Variants in RANBP3 observed in about 807,000 individuals in gnomAD.
RANBP3 encodes ran-binding protein 3.
RANBP3 carries 14 observed loss-of-function variants against 77.3 expected under a neutral mutation model. That is an observed-to-expected ratio of 0.18 (90% CI 0.12 to 0.28). The LOEUF is 0.28. Among genes scored for constraint, RANBP3 ranks in the 10% least tolerant of loss-of-function variants. The probability of loss-of-function intolerance (pLI) is 1.00; values close to 1 mark genes in which losing one functional copy is unlikely to be tolerated. For missense variants in RANBP3, 586 were observed against 752.3 expected (o/e 0.78, Z 2.59); for synonymous variants, 315 against 312.4 (o/e 1.01, Z -0.09).
In RANBP3 at chr19:5,924,005, T is replaced by A; in HGVS notation, c.997-91A>T. On this transcript the variant is annotated intron_variant, in intron 11 of 16. Coordinates refer to ENST00000340578, the MANE Select transcript of RANBP3 (RefSeq NM_007322.3). The surrounding 1 kb of genome is among the most constrained non-coding windows in gnomAD (Gnocchi z 4.7). ...CACCTCTCTGCCTGGCCCCCAACACTACGCTGCCCCCAGCACTCCTGCCCA... is the reference window on the plus strand; with the variant it reads ...CACCTCTCTGCCTGGCCCCCAACACAACGCTGCCCCCAGCACTCCTGCCCA... The A allele has an allele frequency of 1.0e-6, 1 of 990,398 alleles. No individual in the cohort carries two copies. Among genetic ancestry groups the A allele is most frequent in the Non-Finnish European group, 1.5e-6 (1 of 647,072 alleles). 61.4% of individuals were successfully genotyped at this position (990,398 alleles called of 1,614,324 possible).
At position 5,954,281 on chromosome 19, in the gene RANBP3, G is replaced by C. The variant is rs908108560; in HGVS notation, c.79-2685C>G. On this transcript the variant is annotated intron_variant, in intron 2 of 16. Transcript: ENST00000340578. Reference sequence around the variant, plus strand: ...AGTCAGCTGGTCCCACAGTTGATGAGACTTCTTGATCTTTGAGGATCAAGA... The same window carrying C: ...AGTCAGCTGGTCCCACAGTTGATGACACTTCTTGATCTTTGAGGATCAAGA... Among the ~76,000 whole-genome samples the C allele has an allele frequency of 5.3e-5, 8 of 152,172 alleles. No individual in the cohort carries two copies. In the East Asian group the frequency reaches 9.6e-4, roughly 18 times the overall value.
intron 6 of RANBP3, 49 bp from the exon 7 acceptor site, chr19:5,932,593 C>G: frequency 4.0e-6 from 6 of 1,492,336 alleles, no homozygotes; most frequent in Non-Finnish European, 5.6e-6. Context: ...CCTGCCTGCC[C>G]CCAGGCGCTT....
rs1032052893 is a variant in RANBP3 at position 5,923,189 on chromosome 19, C to T, written c.1209+5G>A. On this transcript the variant is annotated splice_donor_5th_base_variant and intron_variant, in intron 13 of 16. Transcript: ENST00000340578. ...AGGGCCACCGAGGAGGGGCCGGCCC[C>T]TCACCTGTAACACATTGCTCTCCGC... The T allele has an allele frequency of 3.7e-6, 6 of 1,613,804 alleles. No homozygotes were observed. The highest frequency in any genetic ancestry group is 1.1e-5 in the South Asian group (1 of 91,076).
intron 3 of RANBP3, chr19:5,950,532 G>A (rs2058262296): frequency 1.3e-5 from 2 of 152,216 alleles, no homozygotes; most frequent in African/African-American, 2.4e-5. Context: ...TAGAAAGAAC[G>A]CTGAGGTCCG....
chr19:5,919,987 G>T (rs965557032), intron 14 of RANBP3, among the ~76,000 whole-genome samples: 9 of 152,120 alleles, frequency 5.9e-5, no homozygotes, highest in African/African-American at 2.2e-4. Flanking sequence ...GACCAGAGCA[G>T]TGTTTCTGAT....
At chr19:5,927,641 C>T (rs1234478265) in intron 9 of RANBP3, among the ~76,000 whole-genome samples, 5 of 152,220 alleles carry the variant, frequency 3.3e-5, no homozygotes, top group African/African-American at 1.2e-4. Flanking sequence ...AACACTGGAC[C>T]GTGCTGTCTT....
intron 5 of RANBP3, among the ~76,000 whole-genome samples, chr19:5,940,605 G>A (rs1051052787): frequency 1.3e-5 from 2 of 152,220 alleles, no homozygotes; most frequent in African/African-American, 2.4e-5. Context: ...CCTACGCTGT[G>A]TGTTCCTGTA....
chr19:5,941,531 G>T, intron 5 of RANBP3, 90 bp downstream of exon 5: 1 of 1,174,836 alleles, frequency 8.5e-7, no homozygotes. Context: ...TGGGCAGGAA[G>T]GACACAGCAG....
chr19:5,943,774 T>C (rs1481842119), intron 3 of RANBP3, among the ~76,000 whole-genome samples: 1 of 152,146 alleles, frequency 6.6e-6, no homozygotes, highest in African/African-American at 2.4e-5. Context: ...GATGACATCA[T>C]CAAAGTGTGT....
chr19:5,919,586 C>G (rs570791990), intron 14 of RANBP3, among the ~76,000 whole-genome samples: 1 of 152,108 alleles, frequency 6.6e-6, no homozygotes, highest in Admixed American at 6.5e-5. Flanking sequence ...TTCCACGAGA[C>G]AAAAGGAAAA....
intron 2 of RANBP3, among the ~76,000 whole-genome samples, chr19:5,956,304 T>G (rs756802767): frequency 1.3e-5 from 2 of 152,182 alleles, no homozygotes; most frequent in Non-Finnish European, 2.9e-5. Flanking sequence ...AACATAGCTC[T>G]AACACACCCA....
intron 9 of RANBP3, among the ~76,000 whole-genome samples, chr19:5,926,264 T>C (rs1267448821): frequency 6.6e-6 from 1 of 152,082 alleles, no homozygotes; most frequent in Non-Finnish European, 1.5e-5. Context: ...ACCATGGCTC[T>C]GGCTGGGCGC....
At chr19:5,964,836 A>G (rs1568479322) in intron 1 of RANBP3, among the ~76,000 whole-genome samples, 1 of 24,200 alleles carries the variant, frequency 4.1e-5, no homozygotes, top group African/African-American at 1.8e-4. Flanking sequence ...AGAGGAGCTA[A>G]GTGGAGGTGG....
intron 1 of RANBP3, among the ~76,000 whole-genome samples, chr19:5,976,881 G>A (rs2058598446): frequency 6.6e-6 from 1 of 152,226 alleles, no homozygotes; most frequent in Non-Finnish European, 1.5e-5. Context: ...GGCATCTGAA[G>A]CCAGGCCATC....
rs1240256235 is a variant in RANBP3, at chr19:5,916,222, C to T, written c.*1388G>A. ...ATGTTCCAAAACACATGGGCGTTAT[C>T]TCGTTGTACTCGTCACTAGCTGGCT... On this transcript the variant is annotated 3_prime_UTR_variant, in exon 17 of 17. Transcript: ENST00000340578. The T allele has an allele frequency of 6.6e-6, 1 of 152,242 alleles. No homozygotes were observed. Among genetic ancestry groups the T allele is most frequent in the African/African-American group, 2.4e-5 (1 of 41,436 alleles). 9.4% of individuals were successfully genotyped at this position (152,242 alleles called of 1,614,324 possible).
In RANBP3 at chr19:5,924,704, C is replaced by G; in HGVS notation, c.996+123G>C. On this transcript the variant is annotated intron_variant, in intron 11 of 16. Transcript: ENST00000340578. The surrounding 1 kb of genome is among the most constrained non-coding windows in gnomAD (Gnocchi z 4.7). ...AGCAGGGTCTTCCCTCTCTCACTTG[C>G]TACTGAAGGCATCCCCATCTCACAT... The G allele has an allele frequency of 1.0e-6, 1 of 981,108 alleles. No individual in the cohort carries two copies. The highest frequency in any genetic ancestry group is 1.6e-6 in the Non-Finnish European group (1 of 618,986). The allele number at this position is 981,108 out of a possible 1,614,324, so 60.8% of individuals were successfully genotyped here.
rs10405707 is a variant in RANBP3 at position 5,925,210 on chromosome 19, T to C, written c.918-305A>G. On this transcript the variant is annotated intron_variant, in intron 10 of 16. Coordinates refer to ENST00000340578, the MANE Select transcript of RANBP3 (RefSeq NM_007322.3). ...CTGAGACACCTGGAGGGGCAGCTGG[T>C]CCGTGGGTAGCATTACCCCCAGCCA... The C allele has an allele frequency of 8.1e-3, 3,994 of 493,956 alleles. 128 individuals carry two copies. Among genetic ancestry groups the C allele is most frequent in the African/African-American group, 0.067 (3,455 of 51,764 alleles). The allele number at this position is 493,956 out of a possible 1,614,324, so 30.6% of individuals were successfully genotyped here.
intron 2 of RANBP3, among the ~76,000 whole-genome samples, chr19:5,954,287 T>C (rs1047314025): frequency 1.3e-5 from 2 of 152,184 alleles, no homozygotes; most frequent in African/African-American, 2.4e-5. Context: ...ATGAGACTTC[T>C]TGATCTTTGA....
At chr19:5,923,401 C>G in intron 12 of RANBP3, 98 bp from the exon 13 acceptor site, 2 of 1,238,038 alleles carry the variant, frequency 1.6e-6, no homozygotes, top group Non-Finnish European at 2.3e-6. Context: ...GTTCTGGTCT[C>G]AAGGACGCCT....
Sources: gnomAD v4.1 joint callset for allele counts (sites outside exome capture counted in the v4.1 genomes callset) on GRCh38, gnomAD v4.1.1 for gene constraint, Gnocchi (gnomAD v3.1) non-coding constraint, MANE v1.5 for transcripts, NCBI Gene and HGNC (gene_info 2026-07-23, HGNC 2026-07-21) for gene names.